Variants in GPC6 observed in about 807,000 individuals in gnomAD.
The protein encoded by GPC6 is glypican 6, also known as glypican-6.
Under a neutral mutation model 55.2 loss-of-function variants are expected in GPC6, and 14 were observed. The ratio of observed to expected loss-of-function variants is 0.25; its 90% confidence interval spans 0.17 to 0.40. The LOEUF (loss-of-function observed/expected upper bound fraction) is 0.40. Ranked by LOEUF, GPC6 falls within the 10% of genes least tolerant of loss-of-function variation. The probability of loss-of-function intolerance (pLI) is 1.00; values close to 1 mark genes in which losing one functional copy is unlikely to be tolerated. For synonymous variants in GPC6, 278 were observed against 259.6 expected (o/e 1.07, Z -0.68); for missense variants, 641 against 708.5 (o/e 0.90, Z 1.08).
At chr13:93,983,273 G>T (rs1880884261) in intron 3 of GPC6, among the ~76,000 whole-genome samples, 1 of 152,040 alleles carries the variant, frequency 6.6e-6, no homozygotes, top group Admixed American at 6.6e-5. Context: ...GGGCAATATT[G>T]GTTACAGTAA....
intron 1 of GPC6, among the ~76,000 whole-genome samples, chr13:93,250,787 C>T (rs1876761227): frequency 6.6e-6 from 1 of 152,194 alleles, no homozygotes; most frequent in Non-Finnish European, 1.5e-5. Context: ...CCTTTGGCTT[C>T]CCAGCATTGA....
chr13:93,537,732 T>G (rs966264584), intron 1 of GPC6, among the ~76,000 whole-genome samples: 9 of 152,184 alleles, frequency 5.9e-5, no homozygotes. Flanking sequence ...CTATTCTATC[T>G]CCTAGCCTGT....
intron 1 of GPC6, among the ~76,000 whole-genome samples, chr13:93,228,091 A>G (rs1348354081): frequency 6.6e-6 from 1 of 152,000 alleles, no homozygotes; most frequent in Non-Finnish European, 1.5e-5. Flanking sequence ...CGGTGGAGAG[A>G]CGCGGAGGGC....
At chr13:93,552,814 G>A (rs943250860) in intron 2 of GPC6, among the ~76,000 whole-genome samples, 1 of 152,184 alleles carries the variant, frequency 6.6e-6, no homozygotes, top group Admixed American at 6.5e-5. Flanking sequence ...ATGTTAATGA[G>A]CAGACAAGTA....
chr13:93,712,491 G>A (rs1383253408), intron 2 of GPC6, among the ~76,000 whole-genome samples: 1 of 151,622 alleles, frequency 6.6e-6, no homozygotes, highest in Non-Finnish European at 1.5e-5. Context: ...AGTTTATTAA[G>A]TGATAATAAT....
In GPC6 at chr13:94,241,993, T is replaced by C. The variant is rs893057796; in HGVS notation, c.878-44356T>C. Among the ~76,000 whole-genome samples, 6 of 152,206 alleles carry C rather than the reference T, an allele frequency of 3.9e-5. No homozygotes were observed. In the East Asian group the frequency reaches 7.8e-4, roughly 20 times the overall value. On this transcript the variant is annotated intron_variant, in intron 4 of 8. Transcript: ENST00000377047. ...TGCAGGTTTGTTACATATGTATACA[T>C]GTGCCATGTTGCTGTGCTGCACCCA...
At chr13:94,379,833 T>G (rs1204392521) in intron 6 of GPC6, among the ~76,000 whole-genome samples, 1 of 152,118 alleles carries the variant, frequency 6.6e-6, no homozygotes, top group Non-Finnish European at 1.5e-5. Flanking sequence ...ACAACCCTAT[T>G]TCTGCCAACA....
intron 2 of GPC6, among the ~76,000 whole-genome samples, chr13:93,635,168 A>C (rs1176174400): frequency 6.6e-6 from 1 of 152,062 alleles, no homozygotes; most frequent in Non-Finnish European, 1.5e-5. Flanking sequence ...TCTATATCTA[A>C]AATTCCTTAT....
chr13:93,522,977 A>G (rs1172112730), intron 1 of GPC6, among the ~76,000 whole-genome samples: 1 of 150,464 alleles, frequency 6.6e-6, no homozygotes, highest in Non-Finnish European at 1.5e-5. Context: ...CTCCAATATC[A>G]TCTATGTCTT....
intron 3 of GPC6, among the ~76,000 whole-genome samples, chr13:93,878,309 G>A (rs1395501770): frequency 6.6e-6 from 1 of 152,018 alleles, no homozygotes; most frequent in Non-Finnish European, 1.5e-5. Flanking sequence ...TAAAGGTTGA[G>A]GGAATGAATT....
intron 1 of GPC6, among the ~76,000 whole-genome samples, chr13:93,358,120 G>C (rs531532940): frequency 1.3e-5 from 2 of 152,280 alleles, no homozygotes; most frequent in East Asian, 3.9e-4. Context: ...GCCAAGGCGG[G>C]AAGATCACTT....
chr13:93,513,268 C>A (rs1240985013), intron 1 of GPC6, among the ~76,000 whole-genome samples: 3 of 152,180 alleles, frequency 2.0e-5, no homozygotes, highest in Admixed American at 6.5e-5. Context: ...ATCATTCTTA[C>A]CACCTCACCT....
chr13:94,382,397 C>T lies in GPC6; in HGVS notation c.1153-17C>T. 6.2e-7 allele frequency: 1 copy of T among 1,613,940 alleles called. No homozygotes were observed. ...CTGAGCAGAATACTCACTTGCTTTC[C>T]TTGGTTTCTTGATCAGGTCACAGAC... On this transcript the variant is annotated splice_polypyrimidine_tract_variant and intron_variant, in intron 6 of 8. Transcript: ENST00000377047.
chr13:93,780,949 A>G (rs1885623356), intron 2 of GPC6, among the ~76,000 whole-genome samples: 1 of 152,146 alleles, frequency 6.6e-6, no homozygotes, highest in Non-Finnish European at 1.5e-5. Context: ...TAAAATGTTT[A>G]AGCCCCTATT....
chr13:93,385,290 GGA>G (rs1875350048), intron 1 of GPC6, among the ~76,000 whole-genome samples: 1 of 152,238 alleles, frequency 6.6e-6, no homozygotes, highest in Admixed American at 6.5e-5. Flanking sequence ...AGGAGGGAAA[GGA>G]GATGCCATAG....
intron 2 of GPC6, among the ~76,000 whole-genome samples, chr13:93,581,480 G>C (rs574141667): frequency 6.6e-6 from 1 of 152,322 alleles, no homozygotes; most frequent in South Asian, 2.1e-4. Context: ...GGCCAAGGCA[G>C]GTAGATTGCT....
intron 4 of GPC6, among the ~76,000 whole-genome samples, chr13:94,092,407 G>C (rs1189845371): frequency 6.6e-6 from 1 of 151,918 alleles, no homozygotes; most frequent in Non-Finnish European, 1.5e-5. Context: ...TCTGTGCTTG[G>C]CTTACTTCAC....
At chr13:93,462,903 G>A (rs149081435) in intron 1 of GPC6, among the ~76,000 whole-genome samples, 147 of 152,102 alleles carry the variant, frequency 9.7e-4, no homozygotes, top group African/African-American at 3.3e-3. Flanking sequence ...CCTCTGCCCC[G>A]CTTCTGCTCT....
At chr13:94,166,434 C>A (rs1294087344) in intron 4 of GPC6, among the ~76,000 whole-genome samples, 3 of 152,182 alleles carry the variant, frequency 2.0e-5, no homozygotes, top group Non-Finnish European at 4.4e-5. Context: ...ATTCATGTTG[C>A]AACCTGAGCC....
Sources: gnomAD v4.1 joint callset for allele counts (sites outside exome capture counted in the v4.1 genomes callset) on GRCh38, gnomAD v4.1.1 for gene constraint, MANE v1.5 for transcripts, NCBI Gene and HGNC (gene_info 2026-07-23, HGNC 2026-07-21) for gene names.